The following ST3GAL6 variants were observed in gnomAD, a reference collection of about 807,000 sequenced individuals.
ST3GAL6 encodes ST3 beta-galactoside alpha-2,3-sialyltransferase 6, also known as type 2 lactosamine alpha-2,3-sialyltransferase.
In ST3GAL6, 31 loss-of-function variants were observed where a neutral mutation model predicts 40.5. That is an observed-to-expected ratio of 0.77 (90% CI 0.58 to 1.03). The LOEUF (loss-of-function observed/expected upper bound fraction) is 1.03, where lower values mean the gene tolerates loss of function less well. ST3GAL6 is among the 50% of genes least tolerant of loss of function. ST3GAL6 has a pLI of 0.00. For missense variants in ST3GAL6, 357 were observed against 393.2 expected (o/e 0.91, Z 0.78); for synonymous variants, 129 against 136.9 (o/e 0.94, Z 0.40).
chr3:98,739,459 C>G (rs534160930), intron 1 of ST3GAL6, among the ~76,000 whole-genome samples: 99 of 152,076 alleles, frequency 6.5e-4, no homozygotes, highest in Non-Finnish European at 8.8e-4. Flanking sequence ...TGAGCTGATT[C>G]TATGAAATCA....
rs1938612901 is a variant in ST3GAL6 at position 98,768,434 on chromosome 3, G to A, written c.-7G>A. On this transcript the variant is annotated 5_prime_UTR_variant, in exon 2 of 10. Transcript: ENST00000483910. ...ACTTCATTCCTTGTGTTTCAGGTGAGCCAGCCATGAGAGGGTATCTTGTGG... is the reference window on the plus strand; with the variant it reads ...ACTTCATTCCTTGTGTTTCAGGTGAACCAGCCATGAGAGGGTATCTTGTGG... The A allele has an allele frequency of 3.1e-6, 5 of 1,613,192 alleles. No homozygotes were observed. Among genetic ancestry groups the A allele is most frequent in the Non-Finnish European group, 4.2e-6 (5 of 1,179,394 alleles).
At chr3:98,754,774 C>T (rs918521794) in intron 1 of ST3GAL6, among the ~76,000 whole-genome samples, 2 of 152,228 alleles carry the variant, frequency 1.3e-5, no homozygotes, top group African/African-American at 4.8e-5. Context: ...GAGTCAAGAT[C>T]ATCCACTAGC....
chr3:98,752,762 C>T (rs914070680), intron 1 of ST3GAL6, among the ~76,000 whole-genome samples: 9 of 152,316 alleles, frequency 5.9e-5, no homozygotes, highest in African/African-American at 1.9e-4. Context: ...TGAGCCACCG[C>T]GCCCAGCTGA....
chr3:98,794,970 G>GATTA lies in ST3GAL6; in HGVS notation c.*1211_*1214dup, dbSNP rs1224268222. On this transcript the variant is annotated 3_prime_UTR_variant, in exon 10 of 10. Transcript: ENST00000483910. ...CAAAAAGAATATCTCATTTTCCCAT[G>GATTA]ATTAAAGCTAATCTTCAGATGGAAA... 2.0e-5 allele frequency: 3 copies of GATTA among 152,164 alleles called. No homozygotes were observed. The highest frequency in any genetic ancestry group is 4.4e-5 in the Non-Finnish European group (3 of 68,030). 9.4% of individuals were successfully genotyped at this position (152,164 alleles called of 1,614,324 possible).
chr3:98,792,507 T>C (rs1941290006), intron 9 of ST3GAL6, among the ~76,000 whole-genome samples: 1 of 147,464 alleles, frequency 6.8e-6, no homozygotes, highest in Non-Finnish European at 1.5e-5. Flanking sequence ...ACAATTTTAG[T>C]TTAAATTTTT....
intron 1 of ST3GAL6, among the ~76,000 whole-genome samples, chr3:98,755,190 GTGCC>G (rs1424496313): frequency 6.6e-6 from 1 of 152,114 alleles, no homozygotes; most frequent in African/African-American, 2.4e-5. Context: ...GGGACTACAG[GTGCC>G]TGCCACCGCG....
intron 3 of ST3GAL6, among the ~76,000 whole-genome samples, chr3:98,771,753 T>C (rs1387865880): frequency 6.6e-6 from 1 of 152,200 alleles, no homozygotes; most frequent in African/African-American, 2.4e-5. Context: ...TCGTATATGA[T>C]TCCAAGTTTG....
chr3:98,783,477 C>T lies in ST3GAL6; in HGVS notation c.336-1468C>T. Reference sequence around the variant, plus strand: ...GTGTACCTTCCTCCCCTCAGTTCTTCTCTGCTGCAAATGGACATCAGCCAC... The same window carrying T: ...GTGTACCTTCCTCCCCTCAGTTCTTTTCTGCTGCAAATGGACATCAGCCAC... On this transcript the variant is annotated intron_variant, in intron 5 of 9. Coordinates refer to ENST00000483910, the MANE Select transcript of ST3GAL6 (RefSeq NM_001323368.2). 3.6e-6 allele frequency: 3 copies of T among 839,208 alleles called. No individual in the cohort carries two copies. The South Asian group carries it at 1.6e-4, about 46-fold the overall frequency. 52.0% of individuals were successfully genotyped at this position (839,208 alleles called of 1,614,324 possible). A position where few individuals can be genotyped will look rare whatever the true frequency, so the allele number is the denominator to read the frequency against.
In ST3GAL6 at chr3:98,793,777, A is replaced by G. The variant is rs1941402187; in HGVS notation, c.*16A>G. The G allele has an allele frequency of 6.6e-7, 1 of 1,508,632 alleles. No homozygotes were observed. The highest frequency in any genetic ancestry group is 1.4e-5 in the African/African-American group (1 of 71,686). The allele number at this position is 1,508,632 out of a possible 1,614,324, so 93.5% of individuals were successfully genotyped here. A position where few individuals can be genotyped will look rare whatever the true frequency, so the allele number is the denominator to read the frequency against. On this transcript the variant is annotated 3_prime_UTR_variant, in exon 10 of 10. Transcript: ENST00000483910. ...TCAAGATTGACTCTACAGACTCAGA[A>G]GATGATGCTAACAGTGTTAGTTTTA...
intron 1 of ST3GAL6, among the ~76,000 whole-genome samples, chr3:98,745,947 A>G (rs1322446796): frequency 6.6e-6 from 1 of 152,150 alleles, no homozygotes; most frequent in Non-Finnish European, 1.5e-5. Context: ...TAGTACATCC[A>G]TACTCTCTCG....
intron 3 of ST3GAL6, chr3:98,771,229 A>G: frequency 8.4e-7 from 1 of 1,187,584 alleles, no homozygotes. Context: ...GATTATAAAA[A>G]AGCGAATTGT....
At chr3:98,735,354 T>C (rs2107244390) in intron 1 of ST3GAL6, among the ~76,000 whole-genome samples, 1 of 152,328 alleles carries the variant, frequency 6.6e-6, no homozygotes. Context: ...ATATATACCT[T>C]GGTCTGAATA....
At chr3:98,754,366 A>G (rs1381839854) in intron 1 of ST3GAL6, among the ~76,000 whole-genome samples, 1 of 152,252 alleles carries the variant, frequency 6.6e-6, no homozygotes, top group African/African-American at 2.4e-5. Context: ...AATTAGCAGT[A>G]GAGCCTGAAG....
At chr3:98,736,585 A>G (rs1197098834) in intron 1 of ST3GAL6, among the ~76,000 whole-genome samples, 1 of 152,128 alleles carries the variant, frequency 6.6e-6, no homozygotes, top group Admixed American at 6.5e-5. Context: ...AGGGAGCAGA[A>G]AGTGTTTTTT....
chr3:98,745,266 T>C (rs1341291356), intron 1 of ST3GAL6, among the ~76,000 whole-genome samples: 1 of 152,204 alleles, frequency 6.6e-6, no homozygotes, highest in Non-Finnish European at 1.5e-5. Flanking sequence ...ACTCCTGACC[T>C]CAGGTGATCC....
chr3:98,748,454 C>G (rs1435832657), intron 1 of ST3GAL6, among the ~76,000 whole-genome samples: 1 of 152,038 alleles, frequency 6.6e-6, no homozygotes. Context: ...CTATTATTTT[C>G]TTTTCTTATT....
chr3:98,747,759 T>C (rs1936671041), intron 1 of ST3GAL6, among the ~76,000 whole-genome samples: 1 of 152,214 alleles, frequency 6.6e-6, no homozygotes, highest in Non-Finnish European at 1.5e-5. Flanking sequence ...GTATTTGCTA[T>C]TCAAATGTTA....
At chr3:98,747,649 A>G (rs1412696157) in intron 1 of ST3GAL6, among the ~76,000 whole-genome samples, 1 of 152,244 alleles carries the variant, frequency 6.6e-6, no homozygotes, top group Non-Finnish European at 1.5e-5. Context: ...GTTTGATAGA[A>G]TAGAGCATTT....
In ST3GAL6 at chr3:98,795,404, C is replaced by G. The variant is rs190314064; in HGVS notation, c.*1643C>G. The stretch of plus-strand genomic sequence containing the variant: ...AGTAGTTGATCTAACCCAGATTAGA[C>G]ATGAATACCAGCATATGTTTGCAGA... On this transcript the variant is annotated 3_prime_UTR_variant, in exon 10 of 10. Transcript: ENST00000483910. The G allele has an allele frequency of 5.7e-4, 87 of 152,286 alleles. No individual in the cohort carries two copies. Among genetic ancestry groups the G allele is most frequent in the African/African-American group, 1.5e-3 (62 of 41,554 alleles). 9.4% of individuals were successfully genotyped at this position (152,286 alleles called of 1,614,324 possible).
Sources: allele counts gnomAD v4.1 joint callset (sites outside exome capture counted in the v4.1 genomes callset), GRCh38; gene constraint gnomAD v4.1.1; transcripts MANE v1.5; gene names NCBI Gene and HGNC (gene_info 2026-07-23, HGNC 2026-07-21).